The following STK39 variants were observed in gnomAD, a reference collection of about 807,000 sequenced individuals.
STK39 encodes the protein serine/threonine kinase 39, also known as STE20/SPS1-related proline-alanine-rich protein kinase.
STK39 carries 20 observed loss-of-function variants against 77.8 expected under a neutral mutation model. That is an observed-to-expected ratio of 0.26 (90% confidence interval 0.18 to 0.37). The LOEUF (loss-of-function observed/expected upper bound fraction) is 0.37. STK39 is among the 10% of genes least tolerant of loss of function. The pLI, the probability that STK39 is intolerant of heterozygous loss-of-function variation, is 1.00. For missense variants in STK39, 479 were observed against 656.5 expected (o/e 0.73, Z 2.95); for synonymous variants, 246 against 234.1 (o/e 1.05, Z -0.47).
intron 5 of STK39, among the ~76,000 whole-genome samples, chr2:168,151,758 T>C (rs748191078): frequency 1.1e-4 from 16 of 145,504 alleles, no homozygotes; most frequent in Non-Finnish European, 2.2e-4. Context: ...AAAAAAAAAT[T>C]CAACAGGATT....
chr2:168,232,352 C>G (rs2105262918), intron 1 of STK39: 1 of 153,296 alleles, frequency 6.5e-6, no homozygotes, highest in African/African-American at 2.4e-5. Flanking sequence ...AGTCATACCT[C>G]ATAAAGATCA....
At chr2:168,135,198 T>C (rs1257250796) in intron 8 of STK39, among the ~76,000 whole-genome samples, 1 of 151,738 alleles carries the variant, frequency 6.6e-6, no homozygotes, top group South Asian at 2.1e-4. Flanking sequence ...ACAAAAGACA[T>C]ATTTTCAACA....
intron 1 of STK39, among the ~76,000 whole-genome samples, chr2:168,228,764 G>A (rs1215253178): frequency 6.6e-6 from 1 of 152,030 alleles, no homozygotes; most frequent in Non-Finnish European, 1.5e-5. Context: ...ACTCCAGCCT[G>A]GACAAGAGTG....
At chr2:168,054,976 G>A (rs977104717) in intron 14 of STK39, among the ~76,000 whole-genome samples, 20 of 152,036 alleles carry the variant, frequency 1.3e-4, no homozygotes, top group Admixed American at 3.9e-4. Context: ...TGATCTCTCC[G>A]CCTACATGGT....
intron 16 of STK39, among the ~76,000 whole-genome samples, chr2:167,973,725 C>T (rs537890793): frequency 1.2e-4 from 19 of 152,090 alleles, no homozygotes; most frequent in Non-Finnish European, 2.5e-4. Context: ...CAAATTTTTG[C>T]CTAATTTAGA....
At chr2:168,132,919 T>TTTCCTGCTGTTGTACACAGTG (rs1306655822) in intron 8 of STK39, among the ~76,000 whole-genome samples, 1 of 152,196 alleles carries the variant, frequency 6.6e-6, no homozygotes, top group Non-Finnish European at 1.5e-5. Flanking sequence ...CTGCTACACA[T>TTTCCTGCTGTTGTACACAGTG]TTGGACACAG....
At position 168,129,526 on chromosome 2, in the gene STK39, G is replaced by A; in HGVS notation, c.1089+15C>T. ...GATTGGTTCCTACAGGGTCATGAAG[G>A]CTAATGGCACTTACCTTTTTGGCTC... On this transcript the variant is annotated intron_variant, in intron 10 of 17. Coordinates refer to ENST00000355999, the MANE Select transcript of STK39 (RefSeq NM_013233.3). 2 of 1,613,932 alleles carry A rather than the reference G, an allele frequency of 1.2e-6. No individual in the cohort carries two copies. The highest frequency in any genetic ancestry group is 8.5e-7 in the Non-Finnish European group (1 of 1,179,892).
intron 5 of STK39, among the ~76,000 whole-genome samples, chr2:168,151,257 A>G (rs573143304): frequency 6.6e-6 from 1 of 152,328 alleles, no homozygotes; most frequent in African/African-American, 2.4e-5. Flanking sequence ...AGAAGAAATC[A>G]TAAGACAGTC....
intron 1 of STK39, among the ~76,000 whole-genome samples, chr2:168,218,584 C>T (rs1345866119): frequency 6.6e-6 from 1 of 152,188 alleles, no homozygotes; most frequent in Non-Finnish European, 1.5e-5. Context: ...CTGAGAGAAA[C>T]TCCTGTGATT....
intron 14 of STK39, among the ~76,000 whole-genome samples, chr2:168,062,791 A>G (rs1685696255): frequency 6.6e-6 from 1 of 152,238 alleles, no homozygotes; most frequent in Admixed American, 6.5e-5. Context: ...CTTTTAAAAC[A>G]TCTTCAAAGA....
chr2:167,957,435 T>C (rs1339643686), intron 17 of STK39, among the ~76,000 whole-genome samples: 2 of 152,188 alleles, frequency 1.3e-5, no homozygotes, highest in Non-Finnish European at 2.9e-5. Flanking sequence ...TTTCTGGTGG[T>C]GTCACACTGA....
chr2:168,175,538 C>G (rs979555889), intron 2 of STK39, among the ~76,000 whole-genome samples: 2 of 152,162 alleles, frequency 1.3e-5, no homozygotes, highest in African/African-American at 4.8e-5. Flanking sequence ...AGCTACATAA[C>G]TTTTAAATTT....
chr2:168,053,137 A>G (rs747743455), intron 14 of STK39, among the ~76,000 whole-genome samples: 8 of 152,244 alleles, frequency 5.3e-5, no homozygotes, highest in Non-Finnish European at 1.0e-4. Context: ...ATTCTTGTAC[A>G]TTTAACCTTT....
intron 17 of STK39, among the ~76,000 whole-genome samples, chr2:167,956,696 A>ACACACACACACACACT (rs776309488): frequency 4.1e-5 from 2 of 49,012 alleles, no homozygotes; most frequent in Non-Finnish European, 4.4e-5. Flanking sequence ...ACACACACAC[A>ACACACACACACACACT]CTCTCTCTCT....
At chr2:167,982,890 A>C (rs1408263189) in intron 16 of STK39, among the ~76,000 whole-genome samples, 1 of 152,168 alleles carries the variant, frequency 6.6e-6, no homozygotes, top group Non-Finnish European at 1.5e-5. Context: ...CACAGAAGTA[A>C]TCTTCCTGAC....
chr2:168,110,727 T>A (rs1687100230), intron 10 of STK39, among the ~76,000 whole-genome samples: 1 of 152,240 alleles, frequency 6.6e-6, no homozygotes, highest in Non-Finnish European at 1.5e-5. Context: ...AATGTCACAA[T>A]GTTTTATTGA....
chr2:167,981,050 TA>T (rs36011880), intron 16 of STK39, among the ~76,000 whole-genome samples: 49 of 147,264 alleles, frequency 3.3e-4, no homozygotes, highest in East Asian at 1.4e-3. Context: ...GGCCACAGAG[TA>T]AAAAAAAAAA....
At chr2:168,002,361 T>C (rs73026993) in intron 16 of STK39, among the ~76,000 whole-genome samples, 1,851 of 152,332 alleles carry the variant, frequency 0.012, 31 homozygotes, top group African/African-American at 0.043. Context: ...GAAATAACAT[T>C]TGCCCACATT....
At chr2:168,204,867 T>C (rs1296605320) in intron 1 of STK39, among the ~76,000 whole-genome samples, 1 of 152,204 alleles carries the variant, frequency 6.6e-6, no homozygotes, top group Admixed American at 6.5e-5. Context: ...CCCAACAAAA[T>C]ACTCTCCGCA....
Sources: gnomAD v4.1 joint callset for allele counts (sites outside exome capture counted in the v4.1 genomes callset) on GRCh38, gnomAD v4.1.1 for gene constraint, MANE v1.5 for transcripts, NCBI Gene and HGNC (gene_info 2026-07-23, HGNC 2026-07-21) for gene names.